GRK3: variants seen among roughly 807,000 people sequenced by gnomAD.
GRK3 encodes G protein-coupled receptor kinase 3.
A neutral mutation model predicts 95.7 loss-of-function variants in GRK3; 54 were observed. That is an observed-to-expected ratio of 0.56 (90% CI 0.45 to 0.71). The LOEUF is 0.71. Ranked by LOEUF, GRK3 falls within the 30% of genes least tolerant of loss-of-function variation. The probability of loss-of-function intolerance (pLI) is 0.00; values close to 1 mark genes in which losing one functional copy is unlikely to be tolerated. For synonymous variants in GRK3, 281 were observed against 290.8 expected (o/e 0.97, Z 0.34); for missense variants, 649 against 851.2 (o/e 0.76, Z 2.96).
chr22:25,714,302 C>A, intron 17 of GRK3, 106 bp from the exon 18 acceptor site: 2 of 895,118 alleles, frequency 2.2e-6, no homozygotes, highest in African/African-American at 1.7e-5. Context: ...ATCTAGTCAT[C>A]TTCCTATATA....
At chr22:25,712,807 C>T (rs1248655054) in intron 17 of GRK3, among the ~76,000 whole-genome samples, 1 of 152,216 alleles carries the variant, frequency 6.6e-6, no homozygotes, top group Non-Finnish European at 1.5e-5. Context: ...TGTTTTGGTT[C>T]TTCCTGAGCA....
intron 1 of GRK3, among the ~76,000 whole-genome samples, chr22:25,582,626 A>T (rs1448358863): frequency 6.6e-6 from 1 of 152,234 alleles, no homozygotes; most frequent in East Asian, 1.9e-4. Context: ...AATATAAAAC[A>T]TTCCTCTAGC....
intron 2 of GRK3, among the ~76,000 whole-genome samples, chr22:25,626,197 GGGATTACAGGCGTGA>G (rs1302726334): frequency 1.3e-5 from 2 of 152,162 alleles, no homozygotes; most frequent in Non-Finnish European, 2.9e-5. Flanking sequence ...CTAAAGTGCT[GGGATTACAGGCGTGA>G]GCCACCGCGC....
chr22:25,633,519 C>T (rs1486120255), intron 2 of GRK3, among the ~76,000 whole-genome samples: 1 of 152,146 alleles, frequency 6.6e-6, no homozygotes, highest in East Asian at 1.9e-4. Flanking sequence ...AAATCATGCA[C>T]ATATCTGGTT....
At chr22:25,661,093 T>C (rs1363206704) in intron 3 of GRK3, among the ~76,000 whole-genome samples, 2 of 152,262 alleles carry the variant, frequency 1.3e-5, no homozygotes, top group Non-Finnish European at 2.9e-5. Flanking sequence ...TTATTTGCTT[T>C]AGTTGATTTT....
Position 25,640,753 on chromosome 22 carries a change from C to T in GRK3, c.191-3839C>T, listed in dbSNP as rs141489133. ...TTTCTACTAATTTTTGAAAAATTAT[C>T]GTGATGGCGGGTGTTACATACACTA... On this transcript the variant is annotated intron_variant, in intron 2 of 20. Transcript: ENST00000324198. Among the ~76,000 whole-genome samples, 41 of 152,118 alleles carry T rather than the reference C, an allele frequency of 2.7e-4. No individual in the cohort carries two copies. In the East Asian group the frequency reaches 6.9e-3, roughly 26 times the overall value.
At chr22:25,657,962 T>C (rs1234373472) in intron 3 of GRK3, among the ~76,000 whole-genome samples, 1 of 152,204 alleles carries the variant, frequency 6.6e-6, no homozygotes, top group Non-Finnish European at 1.5e-5. Context: ...GCATCTCTAA[T>C]CTGCCATTCC....
At chr22:25,640,651 A>T (rs894375338) in intron 2 of GRK3, among the ~76,000 whole-genome samples, 1 of 152,166 alleles carries the variant, frequency 6.6e-6, no homozygotes, top group Non-Finnish European at 1.5e-5. Context: ...TTAATTTCAA[A>T]TTTTCTCATA....
intron 3 of GRK3, chr22:25,647,438 A>C: frequency 7.6e-7 from 1 of 1,310,282 alleles, no homozygotes; most frequent in Non-Finnish European, 1.1e-6. Context: ...CCATTCCATT[A>C]TACCATTTGG....
chr22:25,645,662 C>T (rs1208455696), intron 3 of GRK3, among the ~76,000 whole-genome samples: 2 of 152,122 alleles, frequency 1.3e-5, no homozygotes, highest in African/African-American at 2.4e-5. Context: ...GTGGCTCACG[C>T]CTGTAATCCC....
At chr22:25,660,274 T>A (rs138363017) in intron 3 of GRK3, among the ~76,000 whole-genome samples, 1 of 152,338 alleles carries the variant, frequency 6.6e-6, no homozygotes, top group African/African-American at 2.4e-5. Context: ...TCTCCTGAAT[T>A]GACTTAGAAT....
chr22:25,620,006 T>G (rs28479305), intron 2 of GRK3, among the ~76,000 whole-genome samples: 1,550 of 90,264 alleles, frequency 0.017, 36 homozygotes, highest in African/African-American at 0.03. Flanking sequence ...TTTGTCTTTT[T>G]TGTGTGTGTG....
chr22:25,704,390 T>A (rs2085283543), intron 15 of GRK3, among the ~76,000 whole-genome samples, 181 bp downstream of exon 15: 1 of 152,216 alleles, frequency 6.6e-6, no homozygotes, highest in Non-Finnish European at 1.5e-5. Flanking sequence ...AATTAAGAAG[T>A]TGAAGAAGTC....
chr22:25,626,192 GTGC>G (rs1260560754), intron 2 of GRK3, among the ~76,000 whole-genome samples: 4 of 152,178 alleles, frequency 2.6e-5, no homozygotes, highest in Non-Finnish European at 5.9e-5. Flanking sequence ...GCCTCCTAAA[GTGC>G]TGGGATTACA....
chr22:25,663,762 T>C, intron 5 of GRK3, 58 bp downstream of exon 5: 1 of 1,271,790 alleles, frequency 7.9e-7, no homozygotes, highest in African/African-American at 1.5e-5. Context: ...TTGGCCTTGG[T>C]GACATTCTTT....
At chr22:25,642,127 A>G (rs2084747524) in intron 2 of GRK3, among the ~76,000 whole-genome samples, 1 of 152,226 alleles carries the variant, frequency 6.6e-6, no homozygotes, top group Admixed American at 6.5e-5. Flanking sequence ...TTCACTGTTG[A>G]TGATGGATAG....
intron 2 of GRK3, among the ~76,000 whole-genome samples, chr22:25,616,580 A>T (rs2084540815): frequency 6.6e-6 from 1 of 152,152 alleles, no homozygotes; most frequent in Non-Finnish European, 1.5e-5. Context: ...ATGGACATAC[A>T]TCCAAAACAT....
At chr22:25,610,896 G>C (rs2084491850) in intron 2 of GRK3, among the ~76,000 whole-genome samples, 1 of 151,960 alleles carries the variant, frequency 6.6e-6, no homozygotes, top group Non-Finnish European at 1.5e-5. Context: ...GAGCCTTGCT[G>C]TGCTACCCAA....
intron 1 of GRK3, among the ~76,000 whole-genome samples, chr22:25,593,073 G>A (rs1932550320): frequency 6.6e-6 from 1 of 151,344 alleles, no homozygotes; most frequent in African/African-American, 2.4e-5. Flanking sequence ...TGATGGGCAT[G>A]TAGGTTGATT....
Sources: gnomAD v4.1 joint callset for allele counts (sites outside exome capture counted in the v4.1 genomes callset) on GRCh38, gnomAD v4.1.1 for gene constraint, MANE v1.5 for transcripts, NCBI Gene and HGNC (gene_info 2026-07-23, HGNC 2026-07-21) for gene names.